Variants in FERMT2 observed in about 807,000 individuals in gnomAD.
FERMT2 encodes the protein fermitin family homolog 2.
FERMT2 carries 15 observed loss-of-function variants against 82.7 expected under a neutral mutation model. That is an observed-to-expected ratio of 0.18 (90% confidence interval 0.12 to 0.28). The LOEUF is 0.28. FERMT2 is among the 10% of genes least tolerant of loss of function. The pLI is 1.00. For missense variants in FERMT2, 645 were observed against 809.4 expected (o/e 0.80, Z 2.46); for synonymous variants, 274 against 271.5 (o/e 1.01, Z -0.09).
Position 52,859,630 on chromosome 14 carries a change from A to G in FERMT2, c.1812T>C (p.Ile604=). 1 of 1,612,330 alleles carries G rather than the reference A, an allele frequency of 6.2e-7. No homozygotes were observed. Among genetic ancestry groups the G allele is most frequent in the Non-Finnish European group, 8.5e-7 (1 of 1,179,100 alleles). ...IRMDASTGDA[I]KTWRFSNMKQ... ...TCATGTTGCTGAAACGCCATGTTTT[A>G]ATTGCATCTCCAGTGCTGGCATCCA... The change falls in exon 14 of 15, where the codon ATT becomes ATC. Residue 604 remains isoleucine (I), a synonymous_variant. Coordinates refer to ENST00000341590, the MANE Select transcript of FERMT2 (RefSeq NM_006832.3).
intron 4 of FERMT2, among the ~76,000 whole-genome samples, chr14:52,886,277 G>C (rs1886601653): frequency 7.3e-6 from 1 of 137,026 alleles, no homozygotes; most frequent in Non-Finnish European, 1.7e-5. Flanking sequence ...TTGGGGGGGA[G>C]AGAGAGAGAG....
chr14:52,904,255 G>A (rs900337597), intron 3 of FERMT2, among the ~76,000 whole-genome samples: 1 of 152,146 alleles, frequency 6.6e-6, no homozygotes, highest in Non-Finnish European at 1.5e-5. Flanking sequence ...AGTGGCTCAC[G>A]CCTGTAATCT....
chr14:52,865,705 G>A (rs1017782284), intron 10 of FERMT2, among the ~76,000 whole-genome samples: 2 of 152,034 alleles, frequency 1.3e-5, no homozygotes, highest in South Asian at 2.1e-4. Context: ...TTGTTAGTAG[G>A]GCTTGCTTTT....
At chr14:52,891,236 G>A (rs1886919477) in intron 4 of FERMT2, among the ~76,000 whole-genome samples, 1 of 151,974 alleles carries the variant, frequency 6.6e-6, no homozygotes, top group Admixed American at 6.6e-5. Context: ...TGCTTGGACT[G>A]CCTTTTCCCA....
Position 52,872,900 on chromosome 14 carries a change from C to G in FERMT2, c.1172G>C (p.Gly391Ala). The G allele has an allele frequency of 6.2e-7, 1 of 1,613,774 alleles. No homozygotes were observed. Among genetic ancestry groups the G allele is most frequent in the Non-Finnish European group, 8.5e-7 (1 of 1,179,812 alleles). Residue 391 changes from glycine (G) to alanine (A), a missense_variant, in exon 10 of 15, where the codon GGT becomes GCT. Physicochemically the swap from Gly to Ala is moderately conservative, Grantham distance 60 (BLOSUM62 0). Coordinates refer to ENST00000341590, the MANE Select transcript of FERMT2 (RefSeq NM_006832.3). The stretch of plus-strand genomic sequence containing the variant: ...GAAGGTGCACCAATATTGTTTGTAA[C>G]CTTTCAGAGTCAGCTTTTTTGGCCT... ...VFKPKKLTLK[G>A]YKQYWCTFKD... is the part of the protein sequence containing the mutation.
At chr14:52,903,137 A>T (rs1172083705) in intron 3 of FERMT2, among the ~76,000 whole-genome samples, 1 of 152,046 alleles carries the variant, frequency 6.6e-6, no homozygotes, top group African/African-American at 2.4e-5. Context: ...CTAACCAGGC[A>T]GGGCACATTG....
chr14:52,877,577 T>TA (rs201732341), intron 7 of FERMT2, among the ~76,000 whole-genome samples: 132 of 125,860 alleles, frequency 1.0e-3, no homozygotes, highest in African/African-American at 4.4e-3. Context: ...GTTCTTGCTT[T>TA]TTTTTTTTTT....
chr14:52,916,554 G>A (rs1425535436), intron 3 of FERMT2, among the ~76,000 whole-genome samples: 1 of 152,130 alleles, frequency 6.6e-6, no homozygotes, highest in African/African-American at 2.4e-5. Context: ...TGAATAGGCA[G>A]AGCACAGAAG....
intron 2 of FERMT2, among the ~76,000 whole-genome samples, chr14:52,949,092 A>G (rs1182334222): frequency 6.6e-6 from 1 of 152,196 alleles, no homozygotes. Context: ...TCACTGGGCT[A>G]CCTAGGAGGA....
intron 3 of FERMT2, among the ~76,000 whole-genome samples, chr14:52,914,289 G>A (rs1035726054): frequency 3.3e-5 from 5 of 151,950 alleles, no homozygotes; most frequent in Admixed American, 6.6e-5. Flanking sequence ...AGGACTATTT[G>A]AGCCCAGGAG....
At position 52,864,777 on chromosome 14, in the gene FERMT2, G is replaced by A; in HGVS notation, c.1350C>T (p.Gly450=). The A allele has an allele frequency of 1.2e-6, 2 of 1,612,640 alleles. No individual in the cohort carries two copies. The highest frequency in any genetic ancestry group is 1.7e-6 in the Non-Finnish European group (2 of 1,178,750). ...CACAACGAAGCCAGATTTCATTCAT[G>A]CCTTCTGCAACTGGAATCAGGAGTT... is the stretch of plus-strand genomic sequence containing the variant. ...NIKLLIPVAE[G]MNEIWLRCDN... Residue 450 remains glycine, a synonymous_variant, in exon 11 of 15, where the codon GGC becomes GGT. Transcript: ENST00000341590.
At chr14:52,878,731 ACCATT>A (rs1886118512) in intron 6 of FERMT2, 42 bp from the exon 7 acceptor site, 1 of 1,039,792 alleles carries the variant, frequency 9.6e-7, no homozygotes, top group Non-Finnish European at 1.4e-6. Flanking sequence ...TATAACCTTT[ACCATT>A]GAAAAATTTC....
At chr14:52,915,563 T>G (rs1463025121) in intron 3 of FERMT2, among the ~76,000 whole-genome samples, 1 of 152,204 alleles carries the variant, frequency 6.6e-6, no homozygotes, top group African/African-American at 2.4e-5. Flanking sequence ...GGCTAGCATT[T>G]TCTCCTAAAA....
At chr14:52,910,512 G>A (rs1014135479) in intron 3 of FERMT2, among the ~76,000 whole-genome samples, 5 of 151,694 alleles carry the variant, frequency 3.3e-5, no homozygotes, top group African/African-American at 1.2e-4. Flanking sequence ...AAAAAATGAC[G>A]TTCTTTGACA....
intron 2 of FERMT2, among the ~76,000 whole-genome samples, chr14:52,925,486 G>A (rs941656525): frequency 6.7e-6 from 1 of 150,192 alleles, no homozygotes; most frequent in Non-Finnish European, 1.5e-5. Context: ...TTGCACCCAG[G>A]AGGCAGAGGT....
At chr14:52,933,032 A>C (rs1021119178) in intron 2 of FERMT2, among the ~76,000 whole-genome samples, 8 of 152,188 alleles carry the variant, frequency 5.3e-5, no homozygotes, top group Non-Finnish European at 1.2e-4. Context: ...GAACAAAAAA[A>C]AACACTGGCG....
chr14:52,909,764 C>T (rs1888210618), intron 3 of FERMT2, among the ~76,000 whole-genome samples: 1 of 151,682 alleles, frequency 6.6e-6, no homozygotes, highest in Non-Finnish European at 1.5e-5. Flanking sequence ...CCTTCATTTC[C>T]TTTTCATCTT....
chr14:52,950,705 G>C, intron 1 of FERMT2, 128 bp from the exon 2 acceptor site: 1 of 913,664 alleles, frequency 1.1e-6, no homozygotes, highest in South Asian at 1.6e-5. Flanking sequence ...GCAGAAACTC[G>C]GGAGGGCGGC....
intron 4 of FERMT2, among the ~76,000 whole-genome samples, chr14:52,891,984 CA>C (rs2139539473): frequency 6.6e-6 from 1 of 152,048 alleles, no homozygotes; most frequent in South Asian, 2.1e-4. Context: ...GAAGAACACA[CA>C]GTATAACAAT....
Sources: allele counts gnomAD v4.1 joint callset (sites outside exome capture counted in the v4.1 genomes callset), GRCh38; gene constraint gnomAD v4.1.1; transcripts MANE v1.5; gene names NCBI Gene and HGNC (gene_info 2026-07-23, HGNC 2026-07-21).